The following CADM2 variants were observed in gnomAD, a reference collection of about 807,000 sequenced individuals.
CADM2 encodes cell adhesion molecule 2.
CADM2 carries 12 observed loss-of-function variants against 49.8 expected under a neutral mutation model. That is an observed-to-expected ratio of 0.24 (90% confidence interval 0.15 to 0.39). The LOEUF is 0.39. Among genes scored for constraint, CADM2 ranks in the 10% least tolerant of loss-of-function variants. CADM2 has a pLI of 1.00. For synonymous variants in CADM2, 214 were observed against 175.4 expected (o/e 1.22, Z -1.74); for missense variants, 378 against 492.3 (o/e 0.77, Z 2.20).
At chr3:85,286,173 G>A (rs1378721486) in intron 1 of CADM2, among the ~76,000 whole-genome samples, 10 of 152,082 alleles carry the variant, frequency 6.6e-5, no homozygotes, top group Non-Finnish European at 1.2e-4. Context: ...AAGGACCATG[G>A]GCTAACAGGT....
chr3:86,047,296 C>G (rs762276244), intron 8 of CADM2, among the ~76,000 whole-genome samples: 2 of 151,982 alleles, frequency 1.3e-5, no homozygotes, highest in Non-Finnish European at 2.9e-5. Context: ...GGGAAGGCAT[C>G]GGGGAGAGTT....
intron 1 of CADM2, among the ~76,000 whole-genome samples, chr3:85,597,874 GTTAAAACC>G (rs1184356844): frequency 6.6e-6 from 1 of 151,906 alleles, no homozygotes; most frequent in Non-Finnish European, 1.5e-5. Flanking sequence ...TTTAATATTG[GTTAAAACC>G]ATCTTTTAGT....
At chr3:85,936,293 T>C (rs982094809) in intron 7 of CADM2, among the ~76,000 whole-genome samples, 1 of 151,866 alleles carries the variant, frequency 6.6e-6, no homozygotes. Flanking sequence ...ATATTTCTTA[T>C]GAAACACCCA....
At chr3:85,291,447 GAT>G (rs1439198477) in intron 1 of CADM2, among the ~76,000 whole-genome samples, 2 of 149,410 alleles carry the variant, frequency 1.3e-5, no homozygotes, top group Non-Finnish European at 2.9e-5. Context: ...ACCCCACAAA[GAT>G]ACTCCTCGAG....
chr3:85,519,365 A>G (rs2060978790), intron 1 of CADM2, among the ~76,000 whole-genome samples: 1 of 152,012 alleles, frequency 6.6e-6, no homozygotes. Context: ...TTTTAATCTT[A>G]TTTCTTTTGT....
intron 7 of CADM2, among the ~76,000 whole-genome samples, chr3:85,956,483 C>G (rs778105981): frequency 6.6e-6 from 1 of 151,554 alleles, no homozygotes; most frequent in Non-Finnish European, 1.5e-5. Context: ...ACTCTAACCT[C>G]TATTTCATTA....
rs553848546 is a variant in CADM2 at position 85,249,354 on chromosome 3, A to G, written c.61+289686A>G. Among the ~76,000 whole-genome samples, 3 of 152,154 alleles carry G rather than the reference A, an allele frequency of 2.0e-5. No individual in the cohort carries two copies. The South Asian group carries it at 6.2e-4, about 32-fold the overall frequency. ...TAAAGAAACTTACTAACTAGTCCCAACCAGACTATTCTTTTCTCTGTCCTT... is the reference window on the plus strand; with the variant it reads ...TAAAGAAACTTACTAACTAGTCCCAGCCAGACTATTCTTTTCTCTGTCCTT... On this transcript the variant is annotated intron_variant, in intron 1 of 9. Coordinates refer to ENST00000383699, the MANE Select transcript of CADM2 (RefSeq NM_001167675.2).
chr3:86,008,976 C>T (rs1731136690), intron 8 of CADM2, among the ~76,000 whole-genome samples: 1 of 150,950 alleles, frequency 6.6e-6, no homozygotes, highest in African/African-American at 2.4e-5. Flanking sequence ...TATAACGATG[C>T]AGGGTATTTG....
intron 6 of CADM2, among the ~76,000 whole-genome samples, chr3:85,914,431 C>T (rs1718016390): frequency 6.6e-6 from 1 of 151,926 alleles, no homozygotes; most frequent in South Asian, 2.1e-4. Context: ...GTTTCTTTTT[C>T]TTACATCAGT....
chr3:85,887,422 C>T (rs907599655), intron 5 of CADM2, among the ~76,000 whole-genome samples: 2 of 152,128 alleles, frequency 1.3e-5, no homozygotes, highest in Non-Finnish European at 2.9e-5. Context: ...TACCTTATAT[C>T]ACACTAATTA....
chr3:85,892,068 G>C (rs1371958261), intron 5 of CADM2, among the ~76,000 whole-genome samples: 1 of 152,164 alleles, frequency 6.6e-6, no homozygotes, highest in Non-Finnish European at 1.5e-5. Flanking sequence ...TGAATATTCT[G>C]ATTCTAAGAC....
intron 1 of CADM2, among the ~76,000 whole-genome samples, chr3:85,660,672 T>C (rs1013098416): frequency 6.6e-6 from 1 of 151,986 alleles, no homozygotes. Flanking sequence ...CCCTGTGGCT[T>C]ATAATGGGCA....
At chr3:85,836,807 A>G (rs1176356021) in intron 3 of CADM2, among the ~76,000 whole-genome samples, 1 of 151,616 alleles carries the variant, frequency 6.6e-6, no homozygotes, top group Non-Finnish European at 1.5e-5. Flanking sequence ...CAGAATTTAT[A>G]TATTTAAAGA....
At chr3:85,657,729 G>GATAT (rs889894743) in intron 1 of CADM2, among the ~76,000 whole-genome samples, 1 of 99,602 alleles carries the variant, frequency 1.0e-5, no homozygotes, top group Non-Finnish European at 2.1e-5. Context: ...TATATATACA[G>GATAT]ATATATATAT....
intron 1 of CADM2, among the ~76,000 whole-genome samples, chr3:85,000,269 A>G (rs767050893): frequency 3.4e-4 from 52 of 151,460 alleles, no homozygotes; most frequent in Non-Finnish European, 6.2e-4. Context: ...GTGCATCACC[A>G]CGCCCAGCTA....
At chr3:85,885,680 CAAAAAAA>C (rs1230774557) in intron 4 of CADM2, among the ~76,000 whole-genome samples, 8 of 86,604 alleles carry the variant, frequency 9.2e-5, no homozygotes, top group Non-Finnish European at 1.5e-4. Flanking sequence ...GACTCTATCT[CAAAAAAA>C]AAAAAAAAAA....
intron 1 of CADM2, among the ~76,000 whole-genome samples, chr3:85,323,106 C>T (rs576679670): frequency 4.6e-5 from 7 of 152,176 alleles, no homozygotes; most frequent in African/African-American, 1.7e-4. Context: ...CCTCTAACAT[C>T]CTAGAGCTCC....
rs529745687 is a variant in CADM2, at chr3:85,601,799, T to C, written c.62-124723T>C. 3.9e-5 allele frequency among the ~76,000 whole-genome samples: 6 copies of C among 151,910 alleles called. No homozygotes were observed. The South Asian group carries it at 6.2e-4, about 16-fold the overall frequency. On this transcript the variant is annotated intron_variant, in intron 1 of 9. Coordinates refer to ENST00000383699, the MANE Select transcript of CADM2 (RefSeq NM_001167675.2). ...TGCAAGAGTGATTTTCATGAGCTTG[T>C]TGTTTATATTACTTCATATTCTCTT...
intron 2 of CADM2, among the ~76,000 whole-genome samples, chr3:85,784,140 C>CA (rs2070825990): frequency 6.6e-6 from 1 of 152,180 alleles, no homozygotes; most frequent in African/African-American, 2.4e-5. Flanking sequence ...ATCTTTATTC[C>CA]CATCTTGCTC....
Sources: allele counts gnomAD v4.1 joint callset (sites outside exome capture counted in the v4.1 genomes callset), GRCh38; gene constraint gnomAD v4.1.1; transcripts MANE v1.5; gene names NCBI Gene and HGNC (gene_info 2026-07-23, HGNC 2026-07-21).